NADK: variants seen among roughly 807,000 people sequenced by gnomAD.
The protein encoded by NADK is poly(P)/ATP NAD kinase.
In NADK, 22 loss-of-function variants were observed where a neutral mutation model predicts 49.8. The observed-to-expected ratio is 0.44, with a 90% CI of 0.32 to 0.63. NADK has a LOEUF of 0.63. Ranked by LOEUF, NADK falls within the 30% of genes least tolerant of loss-of-function variation. The probability of loss-of-function intolerance (pLI) is 0.06; values close to 1 mark genes in which losing one functional copy is unlikely to be tolerated. For missense variants in NADK, 438 were observed against 609.4 expected, an observed-to-expected ratio of 0.72 and a Z score of 2.96; for synonymous variants, 268 against 253.7, an observed-to-expected ratio of 1.06 and a Z score of -0.54.
intron 1 of NADK, among the ~76,000 whole-genome samples, chr1:1,775,371 T>C (rs1646183014): frequency 6.6e-6 from 1 of 152,094 alleles, no homozygotes; most frequent in Admixed American, 6.5e-5. Flanking sequence ...GTGACAGAAA[T>C]GGGGAAACAT....
intron 1 of NADK, among the ~76,000 whole-genome samples, chr1:1,766,056 C>T (rs1205866654): frequency 1.3e-5 from 2 of 151,842 alleles, no homozygotes; most frequent in Non-Finnish European, 2.9e-5. Context: ...TCAGTTGAGG[C>T]CAGGGGTTCA....
intron 4 of NADK, 112 bp from the exon 5 acceptor site, chr1:1,756,720 C>T: frequency 6.4e-7 from 1 of 1,562,186 alleles, no homozygotes; most frequent in Non-Finnish European, 8.7e-7. Context: ...GGCCTGCATG[C>T]CCGCCCCCCC....
In NADK at chr1:1,754,913, C is replaced by T; in HGVS notation, c.689-215G>A. 2 of 514,732 alleles carry T rather than the reference C, an allele frequency of 3.9e-6. No homozygotes were observed. Among genetic ancestry groups the T allele is most frequent in the Non-Finnish European group, 6.8e-6 (2 of 294,690 alleles). The allele number at this position is 514,732 out of a possible 1,614,324, so 31.9% of individuals were successfully genotyped here. ...CTTGGCTCACTGCAACCTCTGCCTC[C>T]CAGGTTCAAGTGATTCTCCTGCCTC... On this transcript the variant is annotated intron_variant, in intron 7 of 11. Coordinates refer to ENST00000341426, the MANE Select transcript of NADK (RefSeq NM_023018.5). The surrounding 1 kb of genome is among the most constrained non-coding windows in gnomAD (Gnocchi z 4.3).
chr1:1,764,418 G>A (rs537882024), intron 2 of NADK, among the ~76,000 whole-genome samples: 19 of 152,272 alleles, frequency 1.2e-4, no homozygotes, highest in South Asian at 1.0e-3. Context: ...AAGGGTGAGC[G>A]CTGTGGGCAC....
At chr1:1,757,016 C>T (rs1315534807) in intron 4 of NADK, 165 bp downstream of exon 4, 2 of 1,157,690 alleles carry the variant, frequency 1.7e-6, no homozygotes, top group Non-Finnish European at 2.5e-6. Flanking sequence ...GCGGCACACA[C>T]AAACCCAGAC....
intron 1 of NADK, among the ~76,000 whole-genome samples, chr1:1,773,507 T>C (rs1038455069): frequency 2.0e-5 from 3 of 150,986 alleles, no homozygotes; most frequent in Admixed American, 1.3e-4. Flanking sequence ...TCCCAGCACT[T>C]TGGGAGGCCG....
At chr1:1,772,498 T>C (rs549584285) in intron 1 of NADK, among the ~76,000 whole-genome samples, 1 of 152,120 alleles carries the variant, frequency 6.6e-6, no homozygotes, top group East Asian at 1.9e-4. Context: ...TACAGTTGGG[T>C]GTGGTGGCTT....
chr1:1,756,993 G>A, intron 4 of NADK, 188 bp downstream of exon 4: 2 of 978,088 alleles, frequency 2.0e-6, no homozygotes, highest in Non-Finnish European at 3.2e-6. Flanking sequence ...CACCCAGTCT[G>A]GTGCTTGCCA....
chr1:1,756,131 C>A (rs1195408393), intron 6 of NADK, 127 bp downstream of exon 6: 8 of 903,514 alleles, frequency 8.9e-6, no homozygotes, highest in Non-Finnish European at 1.3e-5. Context: ...GGCCTCAGTG[C>A]TGGCCGCTCT....
intron 1 of NADK, among the ~76,000 whole-genome samples, chr1:1,767,778 T>C (rs553534766): frequency 6.6e-6 from 1 of 152,244 alleles, no homozygotes; most frequent in East Asian, 1.9e-4. Flanking sequence ...CTTCCCAAAG[T>C]GCTTGGACTA....
intron 2 of NADK, among the ~76,000 whole-genome samples, chr1:1,764,854 T>C (rs889067945): frequency 1.3e-5 from 2 of 152,206 alleles, no homozygotes; most frequent in East Asian, 1.9e-4. Flanking sequence ...TGAGCCAAGA[T>C]TGCGCCACTG....
In NADK at chr1:1,765,409, T is replaced by A. The variant is rs372517185; in HGVS notation, c.-3A>T. ...ATTTTTTCTTGTTCCATTTCCATTG[T>A]CAGGAAATGAGAACTTCGGTCAGAA... On this transcript the variant is annotated 5_prime_UTR_variant, in exon 2 of 12. Coordinates refer to ENST00000341426, the MANE Select transcript of NADK (RefSeq NM_023018.5). 1 of 1,577,470 alleles carries A rather than the reference T, an allele frequency of 6.3e-7. No homozygotes were observed. The highest frequency in any genetic ancestry group is 8.6e-7 in the Non-Finnish European group (1 of 1,158,064).
At position 1,757,294 on chromosome 1, in the gene NADK, C is replaced by T. The variant is rs1224694864; in HGVS notation, c.280G>A (p.Ala94Thr). ...PQTIMHIQDPASQRLTWNKSP... is the reference protein window; with the variant it reads ...PQTIMHIQDPTSQRLTWNKSP... The stretch of plus-strand genomic sequence containing the variant: ...TTGTTCCACGTCAGCCGCTGGCTCG[C>T]GGGGTCCTGAATGTGCCTTTAGGGG... The change falls in exon 4 of 12, where the codon GCG (alanine) becomes ACG (threonine). Residue 94 changes from alanine to threonine, a missense_variant. Coordinates refer to ENST00000341426, the MANE Select transcript of NADK (RefSeq NM_023018.5). 2.5e-6 allele frequency: 4 copies of T among 1,613,602 alleles called. No homozygotes were observed. The highest frequency in any genetic ancestry group is 2.2e-5 in the East Asian group (1 of 44,878).
intron 1 of NADK, among the ~76,000 whole-genome samples, chr1:1,768,341 CA>C (rs1557857537): frequency 1.3e-5 from 2 of 152,072 alleles, no homozygotes; most frequent in African/African-American, 2.4e-5. Context: ...AGTTCAGGAA[CA>C]GCCTGGGCAA....
At position 1,768,081 on chromosome 1, in the gene NADK, G is replaced by A. The variant is rs533537692; in HGVS notation, c.-40-2635C>T. Among the ~76,000 whole-genome samples the A allele has an allele frequency of 2.7e-3, 404 of 151,018 alleles. 3 individuals are homozygous for A. The highest frequency in any genetic ancestry group is 8.9e-3 in the African/African-American group (364 of 41,086). On this transcript the variant is annotated intron_variant, in intron 1 of 11. Coordinates refer to ENST00000341426, the MANE Select transcript of NADK (RefSeq NM_023018.5). ...AGCTACTTGGGACGCTGAGGCAGGA[G>A]AAATGCTTGAACCCAGGAGGCAGAG... is the stretch of plus-strand genomic sequence containing the variant.
rs780295932 is a variant in NADK, at chr1:1,753,541, C to T, written c.1184+26G>A. The stretch of plus-strand genomic sequence containing the variant: ...GCCCGGGGAGGAGGTTGGCAGGCAG[C>T]GCCCAGCCCGGCATGCAGCCCACAC... On this transcript the variant is annotated intron_variant, in intron 11 of 11. Transcript: ENST00000341426. 3.1e-5 allele frequency: 50 copies of T among 1,597,544 alleles called. 1 individual carries two copies. In the South Asian group the frequency reaches 3.5e-4, roughly 11 times the overall value.
Position 1,752,872 on chromosome 1 carries a change from C to G in NADK, c.*32G>C. 1 of 1,597,854 alleles carries G rather than the reference C, an allele frequency of 6.3e-7. No homozygotes were observed. Among genetic ancestry groups the G allele is most frequent in the Non-Finnish European group, 8.5e-7 (1 of 1,170,090 alleles). On this transcript the variant is annotated 3_prime_UTR_variant, in exon 12 of 12. Transcript: ENST00000341426. The stretch of plus-strand genomic sequence containing the variant: ...TCCCCAGAGGGCGCTTGGAGGGCAG[C>G]GGAAGGATTCGGGCCTGGATAGGGG...
chr1:1,766,055 G>A (rs1329953015), intron 1 of NADK, among the ~76,000 whole-genome samples: 1 of 151,900 alleles, frequency 6.6e-6, no homozygotes, highest in Non-Finnish European at 1.5e-5. Context: ...ATCAGTTGAG[G>A]CCAGGGGTTC....
chr1:1,775,181 T>C (rs996977791), intron 1 of NADK, among the ~76,000 whole-genome samples: 7 of 151,690 alleles, frequency 4.6e-5, no homozygotes, highest in Non-Finnish European at 8.8e-5. Context: ...TAAGAAAATA[T>C]TCATAACGAA....
Sources: allele counts gnomAD v4.1 joint callset (sites outside exome capture counted in the v4.1 genomes callset), GRCh38; gene constraint gnomAD v4.1.1; non-coding constraint Gnocchi (gnomAD v3.1); transcripts MANE v1.5; gene names NCBI Gene and HGNC (gene_info 2026-07-23, HGNC 2026-07-21).